Variants in TBC1D14 observed in about 807,000 individuals in gnomAD.
The protein encoded by TBC1D14 is TBC1 domain family member 14, also known as TBC1 domain family, member 14.
A neutral mutation model predicts 79.0 loss-of-function variants in TBC1D14; 26 were observed. The ratio of observed to expected loss-of-function variants is 0.33; its 90% confidence interval spans 0.24 to 0.46. TBC1D14 has a LOEUF of 0.46. Ranked by LOEUF, TBC1D14 falls within the 20% of genes least tolerant of loss-of-function variation. The probability of loss-of-function intolerance (pLI) is 1.00; values close to 1 mark genes in which losing one functional copy is unlikely to be tolerated. For missense variants in TBC1D14, 769 were observed against 887.6 expected (o/e 0.87, Z 1.70); for synonymous variants, 394 against 349.9 (o/e 1.13, Z -1.40).
At chr4:6,942,546 C>G (rs1394619384) in intron 2 of TBC1D14, among the ~76,000 whole-genome samples, 1 of 152,226 alleles carries the variant, frequency 6.6e-6, no homozygotes, top group East Asian at 1.9e-4. Flanking sequence ...CTTTTACAAC[C>G]CAGGCTCTGG....
At chr4:6,934,747 AG>A (rs1712146141) in intron 2 of TBC1D14, among the ~76,000 whole-genome samples, 1 of 152,156 alleles carries the variant, frequency 6.6e-6, no homozygotes, top group African/African-American at 2.4e-5. Context: ...GTTTTCGTGA[AG>A]TGGTGCAGGC....
intron 1 of TBC1D14, among the ~76,000 whole-genome samples, chr4:6,915,243 G>C (rs1560237280): frequency 1.3e-5 from 2 of 152,320 alleles, no homozygotes; most frequent in Non-Finnish European, 2.9e-5. Flanking sequence ...GAGGCTCTTA[G>C]TCTCCCCAGA....
At chr4:7,009,847 GTGT>G (rs767099469) in intron 9 of TBC1D14, 27 bp from the exon 10 acceptor site, 7 of 1,612,308 alleles carry the variant, frequency 4.3e-6, no homozygotes, top group Middle Eastern at 1.6e-4. Context: ...ACTCATGCAT[GTGT>G]TGTTTTTGCT....
chr4:6,943,298 C>T (rs757399875), intron 2 of TBC1D14, among the ~76,000 whole-genome samples: 2 of 152,208 alleles, frequency 1.3e-5, no homozygotes, highest in African/African-American at 4.8e-5. Flanking sequence ...TGGTGAATAA[C>T]TGGGAGCCTC....
chr4:6,914,390 T>C (rs1723230842), intron 1 of TBC1D14, among the ~76,000 whole-genome samples: 1 of 152,218 alleles, frequency 6.6e-6, no homozygotes, highest in African/African-American at 2.4e-5. Flanking sequence ...TTCAGGACTA[T>C]TTTTATCCTA....
chr4:6,928,150 C>T (rs920439404), intron 2 of TBC1D14, among the ~76,000 whole-genome samples: 7 of 152,306 alleles, frequency 4.6e-5, no homozygotes, highest in Admixed American at 3.3e-4. Flanking sequence ...TCTGAGTGCC[C>T]TTTGCTAAGG....
intron 9 of TBC1D14, 134 bp from the exon 10 acceptor site, chr4:7,009,743 G>A (rs1340110074): frequency 3.4e-6 from 3 of 879,920 alleles, no homozygotes; most frequent in Non-Finnish European, 5.6e-6. Flanking sequence ...TAGAGCTGCT[G>A]GCATCATGCT....
At chr4:6,987,381 T>C in intron 3 of TBC1D14, 1 of 1,412,016 alleles carries the variant, frequency 7.1e-7, no homozygotes, top group Non-Finnish European at 9.3e-7. Flanking sequence ...TGCCTCTCCC[T>C]GCGCCCCAGG....
intron 13 of TBC1D14, among the ~76,000 whole-genome samples, chr4:7,026,958 A>G (rs1362657243): frequency 1.3e-5 from 2 of 152,198 alleles, no homozygotes; most frequent in African/African-American, 4.8e-5. Context: ...CACGCCTGTA[A>G]TCTCAACACT....
chr4:6,998,397 G>A (rs529114366), intron 5 of TBC1D14, among the ~76,000 whole-genome samples: 61 of 151,806 alleles, frequency 4.0e-4, no homozygotes, highest in Non-Finnish European at 1.9e-4. Flanking sequence ...ACTGTTGGAA[G>A]TCAGCATGGA....
chr4:6,913,619 C>T (rs1242762583), intron 1 of TBC1D14, among the ~76,000 whole-genome samples: 1 of 152,206 alleles, frequency 6.6e-6, no homozygotes, highest in African/African-American at 2.4e-5. Context: ...CATGTGATGG[C>T]ATCCCGCATG....
chr4:6,984,638 C>T (rs1320456107), intron 3 of TBC1D14, among the ~76,000 whole-genome samples: 1 of 152,218 alleles, frequency 6.6e-6, no homozygotes, highest in Non-Finnish European at 1.5e-5. Flanking sequence ...GCCCCCGTTA[C>T]AGGAGTCTCT....
chr4:7,032,157 C>CG lies in TBC1D14; in HGVS notation c.*1772dup, dbSNP rs879862958. 84 of 152,556 alleles carry CG rather than the reference C, an allele frequency of 5.5e-4. No homozygotes were observed. Among genetic ancestry groups the CG allele is most frequent in the Non-Finnish European group, 7.5e-4 (51 of 68,010 alleles). 9.5% of individuals were successfully genotyped at this position (152,556 alleles called of 1,614,324 possible). ...TCTCGGAGGAGGCGTCCTGTCTTCACGGGGGGGTCCCGGTGGCCTCCAGAC... is the reference window on the plus strand; with the variant it reads ...TCTCGGAGGAGGCGTCCTGTCTTCACGGGGGGGGTCCCGGTGGCCTCCAGAC... On this transcript the variant is annotated 3_prime_UTR_variant, in exon 14 of 14. Coordinates refer to ENST00000409757, the MANE Select transcript of TBC1D14 (RefSeq NM_020773.3).
intron 3 of TBC1D14, among the ~76,000 whole-genome samples, chr4:6,968,992 C>T (rs1577099054): frequency 6.6e-6 from 1 of 152,146 alleles, no homozygotes; most frequent in Non-Finnish European, 1.5e-5. Context: ...GAGGCGGGAG[C>T]GCAGTGTTGA....
At chr4:6,957,128 G>A (rs769717050) in intron 2 of TBC1D14, among the ~76,000 whole-genome samples, 1 of 152,212 alleles carries the variant, frequency 6.6e-6, no homozygotes, top group Non-Finnish European at 1.5e-5. Context: ...TGTACTGGGA[G>A]GAAAGTGGAG....
intron 1 of TBC1D14, among the ~76,000 whole-genome samples, chr4:6,911,318 G>C (rs745778774): frequency 1.3e-5 from 2 of 152,232 alleles, no homozygotes; most frequent in Non-Finnish European, 2.9e-5. Flanking sequence ...GAAACATCAA[G>C]GGTGTCAGCT....
Position 7,030,601 on chromosome 4 carries a change from A to T in TBC1D14, c.*209A>T. The T allele has an allele frequency of 2.0e-6, 1 of 493,652 alleles. No homozygotes were observed. The highest frequency in any genetic ancestry group is 2.2e-5 in the South Asian group (1 of 45,220). 30.6% of individuals were successfully genotyped at this position (493,652 alleles called of 1,614,324 possible). On this transcript the variant is annotated 3_prime_UTR_variant, in exon 14 of 14. Transcript: ENST00000409757. ...CCTTAAGCAGCTCAGTGGAAGGATG[A>T]GCTGCTGCGGACCACAGCCAGCCAC...
intron 12 of TBC1D14, among the ~76,000 whole-genome samples, chr4:7,015,700 G>T (rs145924763): frequency 8.5e-5 from 13 of 152,220 alleles, no homozygotes; most frequent in Non-Finnish European, 1.3e-4. Context: ...TGGGAAGAGG[G>T]TGCCTCCGGG....
At chr4:7,000,698 T>A (rs953992517) in intron 6 of TBC1D14, among the ~76,000 whole-genome samples, 3 of 152,228 alleles carry the variant, frequency 2.0e-5, no homozygotes, top group South Asian at 2.1e-4. Context: ...GGTGGTGCGA[T>A]GGCCGTCTGC....
Sources: allele counts gnomAD v4.1 joint callset (sites outside exome capture counted in the v4.1 genomes callset), GRCh38; gene constraint gnomAD v4.1.1; transcripts MANE v1.5; gene names NCBI Gene and HGNC (gene_info 2026-07-23, HGNC 2026-07-21).